Variants in GUF1 observed in about 807,000 individuals in gnomAD.
GUF1 encodes translation factor GUF1, mitochondrial.
A neutral mutation model predicts 82.4 loss-of-function variants in GUF1; 78 were observed. The ratio of observed to expected loss-of-function variants is 0.95; its 90% CI spans 0.79 to 1.14. The LOEUF is 1.14. Among genes scored for constraint, GUF1 ranks in the 50% most tolerant of loss-of-function variants. GUF1 has a pLI of 0.00. For missense variants in GUF1, 814 were observed against 798.2 expected (o/e 1.02, Z -0.24); for synonymous variants, 279 against 282.3 (o/e 0.99, Z 0.12).
At chr4:44,694,747 T>TA (rs976099377) in intron 14 of GUF1, among the ~76,000 whole-genome samples, 13 of 151,802 alleles carry the variant, frequency 8.6e-5, no homozygotes, top group African/African-American at 2.7e-4. Context: ...TTCACCATAT[T>TA]AAAAAAAGTT....
chr4:44,700,752 ATTTAC>A lies in GUF1; in HGVS notation c.*2074_*2078del, dbSNP rs1475021358. On this transcript the variant is annotated 3_prime_UTR_variant, in exon 17 of 17. Transcript: ENST00000281543. ...CATTTTAATTATAAATTAAGTGGAG[ATTTAC>A]TTAAAATCATGTGTAGAAGTAGCCT... The A allele has an allele frequency of 1.3e-5, 2 of 152,144 alleles. No homozygotes were observed. The highest frequency in any genetic ancestry group is 2.9e-5 in the Non-Finnish European group (2 of 68,030). The allele number at this position is 152,144 out of a possible 1,614,324, so 9.4% of individuals were successfully genotyped here.
In GUF1 at chr4:44,689,420, T is replaced by C; in HGVS notation, c.1202+11T>C. 6.3e-7 allele frequency: 1 copy of C among 1,597,038 alleles called. No homozygotes were observed. ...GGGTGCTGGCTGGAGGTAAGATTCA[T>C]TCACATGTGTTTTATAGGAAAGGGA... is the stretch of plus-strand genomic sequence containing the variant. On this transcript the variant is annotated intron_variant, in intron 10 of 16. Coordinates refer to ENST00000281543, the MANE Select transcript of GUF1 (RefSeq NM_021927.3).
Position 44,681,175 on chromosome 4 carries a change from G to T in GUF1, c.479G>T (p.Gly160Val), listed in dbSNP as rs759790794. The change falls in exon 4 of 17, where the codon GGT (glycine) becomes GTT (valine). Residue 160 changes from glycine (G) to valine (V), a missense_variant. Physicochemically the swap from Gly to Val is moderately radical, Grantham distance 109 (BLOSUM62 -3). Transcript: ENST00000281543. ...TCCAGGTCACTTTCTGCTTGCCAGGGTGTTTTACTTGTGGTTGATGCAAAT... is the reference window on the plus strand; with the variant it reads ...TCCAGGTCACTTTCTGCTTGCCAGGTTGTTTTACTTGTGGTTGATGCAAAT... ...EVSRSLSACQ[G>V]VLLVVDANEG... 1.9e-6 allele frequency: 3 copies of T among 1,612,760 alleles called. No individual in the cohort carries two copies. The highest frequency in any genetic ancestry group is 1.1e-5 in the South Asian group (1 of 91,046).
rs767377506 is a variant in GUF1 at position 44,678,642 on chromosome 4, G to T, written c.20G>T (p.Arg7Leu). 2.7e-6 allele frequency: 4 copies of T among 1,474,040 alleles called. No homozygotes were observed. Among genetic ancestry groups the T allele is most frequent in the Admixed American group, 3.0e-5 (1 of 33,114 alleles). 91.3% of individuals were successfully genotyped at this position (1,474,040 alleles called of 1,614,324 possible). The change falls in exon 1 of 17, where the codon CGG becomes CTG. Residue 7 changes from arginine to leucine, a missense_variant. Transcript: ENST00000281543. ...CGGGTCATGTGGACCCTCGTGGGTCGGGGCTGGGGGTGCGCACGCGCTCTC... is the reference window on the plus strand; with the variant it reads ...CGGGTCATGTGGACCCTCGTGGGTCTGGGCTGGGGGTGCGCACGCGCTCTC... The part of the protein sequence containing the change: MWTLVG[R>L]GWGCARALAP...
rs1332988684 is a variant in GUF1 at position 44,686,407 on chromosome 4, A to G, written c.735-103A>G. ...TTTTTATTTAGGCTGTTGTGTATCA[A>G]ACTTTCTCAAGAACTCAAGTACAAT... On this transcript the variant is annotated intron_variant, in intron 7 of 16. Transcript: ENST00000281543. The G allele has an allele frequency of 3.7e-5, 24 of 656,954 alleles. No individual in the cohort carries two copies. The East Asian group carries it at 4.1e-4, about 11-fold the overall frequency. 40.7% of individuals were successfully genotyped at this position (656,954 alleles called of 1,614,324 possible).
chr4:44,683,130 C>G (rs1284692393), intron 5 of GUF1, 105 bp from the exon 6 acceptor site: 4 of 587,092 alleles, frequency 6.8e-6, no homozygotes, highest in Non-Finnish European at 1.2e-5. Context: ...GTAGAGGGGT[C>G]AGTTAGGTTA....
chr4:44,690,841 A>G lies in GUF1; in HGVS notation c.1460A>G (p.Lys487Arg), dbSNP rs144862879. 4 of 1,595,080 alleles carry G rather than the reference A, an allele frequency of 2.5e-6. No homozygotes were observed. Among genetic ancestry groups the G allele is most frequent in the Non-Finnish European group, 3.4e-6 (4 of 1,169,962 alleles). The change falls in exon 12 of 17, where the codon AAA becomes AGA. Residue 487 changes from lysine to arginine, a missense_variant. Transcript: ENST00000281543. ...ATCACACCAGATGAATACACTGGAA[A>G]AATAATGATGCTTTGCGAGGTATAA... ...TIITPDEYTG[K>R]IMMLCEARRA...
intron 13 of GUF1, among the ~76,000 whole-genome samples, chr4:44,692,932 C>G (rs1193490376): frequency 1.3e-5 from 2 of 151,942 alleles, no homozygotes; most frequent in Admixed American, 6.6e-5. Context: ...CATTTGGGTA[C>G]TACTTTCTGA....
intron 1 of GUF1, among the ~76,000 whole-genome samples, chr4:44,679,619 T>G (rs937103046): frequency 6.6e-6 from 1 of 152,182 alleles, no homozygotes; most frequent in Non-Finnish European, 1.5e-5. Context: ...AACATCAGAA[T>G]TAGTTTTTTT....
chr4:44,694,874 T>G (rs948500914), intron 14 of GUF1, among the ~76,000 whole-genome samples: 12 of 152,222 alleles, frequency 7.9e-5, no homozygotes, highest in African/African-American at 2.9e-4. Flanking sequence ...TGGCGCAATT[T>G]CTGCTCACTG....
At position 44,682,331 on chromosome 4, in the gene GUF1, C is replaced by G. The variant is rs756871119; in HGVS notation, c.508-3C>G. 7.3e-6 allele frequency: 11 copies of G among 1,497,438 alleles called. No homozygotes were observed. The African/African-American group carries it at 1.4e-4, about 20-fold the overall frequency. The allele number at this position is 1,497,438 out of a possible 1,614,324, so 92.8% of individuals were successfully genotyped here. ...TCAGTATCTTGTATCTTGATATTTTCAGGGAATTCAAGCCCAAACTGTAGC... is the reference window on the plus strand; with the variant it reads ...TCAGTATCTTGTATCTTGATATTTTGAGGGAATTCAAGCCCAAACTGTAGC... On this transcript the variant is annotated splice_polypyrimidine_tract_variant and splice_region_variant and intron_variant, in intron 4 of 16. Coordinates refer to ENST00000281543, the MANE Select transcript of GUF1 (RefSeq NM_021927.3).
At position 44,683,313 on chromosome 4, in the gene GUF1, A is replaced by G. The variant is rs1714875657; in HGVS notation, c.664A>G (p.Ile222Val). The G allele has an allele frequency of 6.5e-7, 1 of 1,547,386 alleles. No homozygotes were observed. The highest frequency in any genetic ancestry group is 8.8e-7 in the Non-Finnish European group (1 of 1,139,722). The part of the protein sequence containing the change: ...KVFDIPSDEC[I>V]KISAKLGTNV... ...GTTTGATATTCCAAGTGATGAATGT[A>G]TTAAGGTAAAATACGTTCCTAAAAA... The change falls in exon 6 of 17, where the codon ATT becomes GTT. Residue 222 changes from isoleucine to valine, a missense_variant. Physicochemically the swap from Ile to Val is conservative, Grantham distance 29 (BLOSUM62 3). Transcript: ENST00000281543.
rs1163017048 is a variant in GUF1, at chr4:44,699,545, TG to T, written c.*865del. On this transcript the variant is annotated 3_prime_UTR_variant, in exon 17 of 17. Transcript: ENST00000281543. ...CAAGTGAGGACCTGCTATATTTTGT[TG>T]CATGCAGTTTTTCTTTACGGACACT... 5 of 152,230 alleles carry T rather than the reference TG, an allele frequency of 3.3e-5. No individual in the cohort carries two copies. The highest frequency in any genetic ancestry group is 1.2e-4 in the African/African-American group (5 of 41,462). 9.4% of individuals were successfully genotyped at this position (152,230 alleles called of 1,614,324 possible).
intron 11 of GUF1, 123 bp from the exon 12 acceptor site, chr4:44,690,594 A>G: frequency 1.8e-6 from 1 of 560,958 alleles, no homozygotes; most frequent in East Asian, 2.9e-5. Flanking sequence ...TATATTGTTT[A>G]CTAATACTTG....
chr4:44,690,704 T>C lies in GUF1; in HGVS notation c.1336-13T>C, dbSNP rs1715380936. 4.1e-6 allele frequency: 6 copies of C among 1,471,496 alleles called. No individual in the cohort carries two copies. The highest frequency in any genetic ancestry group is 5.6e-6 in the Non-Finnish European group (6 of 1,072,230). 91.2% of individuals were successfully genotyped at this position (1,471,496 alleles called of 1,614,324 possible). ...TTAAGATTTTAAGTATTGCTGATTT[T>C]TCTAATTTTTAGGAACATAGAGAAA... On this transcript the variant is annotated splice_polypyrimidine_tract_variant and intron_variant, in intron 11 of 16. Transcript: ENST00000281543.
chr4:44,679,305 G>A (rs1035654187), intron 1 of GUF1, among the ~76,000 whole-genome samples: 1 of 152,156 alleles, frequency 6.6e-6, no homozygotes, highest in Non-Finnish European at 1.5e-5. Context: ...GAAGTTCTCG[G>A]TCTGTCTTTG....
At position 44,698,866 on chromosome 4, in the gene GUF1, A is replaced by C. The variant is rs1466641670; in HGVS notation, c.*185A>C. The C allele has an allele frequency of 1.8e-5, 10 of 555,128 alleles. No individual in the cohort carries two copies. In the East Asian group the frequency reaches 3.2e-4, roughly 18 times the overall value. 34.4% of individuals were successfully genotyped at this position (555,128 alleles called of 1,614,324 possible). On this transcript the variant is annotated 3_prime_UTR_variant, in exon 17 of 17. Transcript: ENST00000281543. ...TTTGAAGCCATGTTGCCTGTTCTCA[A>C]ATATCTGTTCCAACCACTCACTAGT...
intron 14 of GUF1, 75 bp from the exon 15 acceptor site, chr4:44,695,540 T>A: frequency 1.5e-6 from 2 of 1,292,680 alleles, no homozygotes; most frequent in Non-Finnish European, 2.2e-6. Flanking sequence ...TTACACTGAT[T>A]ATGCAACTGG....
chr4:44,680,580 T>C (rs1036446298), intron 2 of GUF1, 28 bp downstream of exon 2: 2 of 1,501,082 alleles, frequency 1.3e-6, no homozygotes, highest in African/African-American at 1.4e-5. Flanking sequence ...CATACTTAAC[T>C]GATGGCTGCG....
Sources: allele counts gnomAD v4.1 joint callset (sites outside exome capture counted in the v4.1 genomes callset), GRCh38; gene constraint gnomAD v4.1.1; transcripts MANE v1.5; gene names NCBI Gene and HGNC (gene_info 2026-07-23, HGNC 2026-07-21).